ST3GAL3: variants seen among roughly 807,000 people sequenced by gnomAD.
ST3GAL3 encodes ST3 beta-galactoside alpha-2,3-sialyltransferase 3, also known as CMP-N-acetylneuraminate-beta-1,4-galactoside alpha-2,3-sialyltransferase.
Under a neutral mutation model 50.1 loss-of-function variants are expected in ST3GAL3, and 21 were observed. The observed-to-expected ratio is 0.42, with a 90% CI of 0.30 to 0.60. The LOEUF is 0.60. ST3GAL3 is among the 20% of genes least tolerant of loss of function. The pLI, the probability that ST3GAL3 is intolerant of heterozygous loss-of-function variation, is 0.19. For missense variants in ST3GAL3, 353 were observed against 489.4 expected (o/e 0.72, Z 2.63); for synonymous variants, 183 against 190.0 (o/e 0.96, Z 0.30).
chr1:43,794,983 T>C (rs1346075637), intron 3 of ST3GAL3, among the ~76,000 whole-genome samples: 1 of 152,002 alleles, frequency 6.6e-6, no homozygotes, highest in Non-Finnish European at 1.5e-5. Context: ...GAGGGATGGG[T>C]ACAGGGGGGC....
At chr1:43,840,474 T>C (rs1230708537) in intron 5 of ST3GAL3, 1 of 152,134 alleles carries the variant, frequency 6.6e-6, no homozygotes, top group Non-Finnish European at 1.5e-5. Context: ...CTTAACTCAT[T>C]CTAGCATTAA....
intron 9 of ST3GAL3, chr1:43,913,347 G>C (rs2081259418): frequency 6.6e-6 from 1 of 152,204 alleles, no homozygotes. Flanking sequence ...AATCCTTACA[G>C]CTATCTGGGA....
chr1:43,920,464 A>T lies in ST3GAL3; in HGVS notation c.805A>T (p.Ile269Phe), dbSNP rs1294093559. The change falls in exon 10 of 12, where the codon ATT (isoleucine) becomes TTT (phenylalanine). Residue 269 changes from isoleucine to phenylalanine, a missense_variant. Transcript: ENST00000347631. ...ATRVPKEPPE[I>F]RILNPYFIQE... Reference sequence around the variant, plus strand: ...TCGAGTGCCCAAGGAGCCCCCTGAGATTCGAATCCTCAACCCATATTTCAT... The same window carrying T: ...TCGAGTGCCCAAGGAGCCCCCTGAGTTTCGAATCCTCAACCCATATTTCAT... The T allele has an allele frequency of 2.5e-6, 4 of 1,614,122 alleles. No individual in the cohort carries two copies. In the East Asian group the frequency reaches 8.9e-5, roughly 36 times the overall value.
At chr1:43,867,858 G>A (rs1311523088) in intron 5 of ST3GAL3, among the ~76,000 whole-genome samples, 3 of 152,100 alleles carry the variant, frequency 2.0e-5, no homozygotes, top group Non-Finnish European at 4.4e-5. Context: ...TATAAGGGTT[G>A]AATAGGATGA....
chr1:43,929,264 A>C (rs1402915097), intron 11 of ST3GAL3, among the ~76,000 whole-genome samples: 1 of 152,158 alleles, frequency 6.6e-6, no homozygotes, highest in Non-Finnish European at 1.5e-5. Context: ...ATTCTACCCC[A>C]AAAATATGTA....
chr1:43,728,544 A>G (rs1323158599), intron 1 of ST3GAL3, among the ~76,000 whole-genome samples: 2 of 152,110 alleles, frequency 1.3e-5, no homozygotes, highest in African/African-American at 4.8e-5. Flanking sequence ...TAGGAGTTTG[A>G]TACCAACCTG....
chr1:43,729,370 A>G (rs1458610867), intron 1 of ST3GAL3, among the ~76,000 whole-genome samples: 1 of 152,118 alleles, frequency 6.6e-6, no homozygotes, highest in Non-Finnish European at 1.5e-5. Flanking sequence ...GTGAGCCACC[A>G]TGCCTGGTTA....
At chr1:43,783,594 CT>C (rs1274854993) in intron 2 of ST3GAL3, among the ~76,000 whole-genome samples, 2 of 152,176 alleles carry the variant, frequency 1.3e-5, no homozygotes, top group Non-Finnish European at 2.9e-5. Flanking sequence ...AGCAGCTGTA[CT>C]AAAACTTTTC....
rs555102735 is a variant in ST3GAL3 at position 43,830,207 on chromosome 1, A to T, written c.210-8012A>T. Reference sequence around the variant, plus strand: ...GCCACCATGCCCAGCTAATTAAAAAAAATTTTTTTTAAATAGAGATAAGGT... The same window carrying T: ...GCCACCATGCCCAGCTAATTAAAAATAATTTTTTTTAAATAGAGATAAGGT... On this transcript the variant is annotated intron_variant, in intron 4 of 11. Coordinates refer to ENST00000347631, the MANE Select transcript of ST3GAL3 (RefSeq NM_006279.5). Among the ~76,000 whole-genome samples, 47 of 151,560 alleles carry T rather than the reference A, an allele frequency of 3.1e-4. 4 individuals are homozygous for T. Among genetic ancestry groups the T allele is most frequent in the East Asian group, 2.5e-3 (13 of 5,162 alleles).
In ST3GAL3 at chr1:43,754,331, TG is replaced by T. The variant is rs1265539490; in HGVS notation, c.118+17952del. On this transcript the variant is annotated intron_variant, in intron 2 of 11. Transcript: ENST00000347631. Reference sequence around the variant, plus strand: ...CCTCAGCCTCCCGAGTAGCTGAGATTGCAGGCACCAAGCACCCCATCCGGCT... The same window carrying T: ...CCTCAGCCTCCCGAGTAGCTGAGATTCAGGCACCAAGCACCCCATCCGGCT... Among the ~76,000 whole-genome samples the T allele has an allele frequency of 2.6e-5, 4 of 152,232 alleles. No homozygotes were observed. In the East Asian group the frequency reaches 7.7e-4, roughly 29 times the overall value.
intron 9 of ST3GAL3, chr1:43,920,179 C>T (rs1325897803): frequency 6.7e-6 from 4 of 598,768 alleles, no homozygotes; most frequent in Non-Finnish European, 1.2e-5. Context: ...TCCTCTGTTA[C>T]ACACTGGAGC....
chr1:43,919,941 A>G, intron 9 of ST3GAL3: 1 of 286,634 alleles, frequency 3.5e-6, no homozygotes. Flanking sequence ...GGTCCACTCT[A>G]GAACAGTCGA....
chr1:43,875,518 C>G (rs1423848390), intron 5 of ST3GAL3, among the ~76,000 whole-genome samples: 1 of 152,104 alleles, frequency 6.6e-6, no homozygotes, highest in African/African-American at 2.4e-5. Context: ...ATAAACCCCA[C>G]GTGTCATGGG....
intron 5 of ST3GAL3, among the ~76,000 whole-genome samples, chr1:43,891,352 C>G (rs1312142972): frequency 1.3e-5 from 2 of 152,194 alleles, no homozygotes; most frequent in African/African-American, 4.8e-5. Context: ...GGTGGATCAC[C>G]TGAGGTCAGG....
chr1:43,850,791 A>G lies in ST3GAL3; in HGVS notation c.302+12480A>G. ...CTGATAAACTTCAAATTCCAGAGTC[A>G]TAGCTTGCTTCAGGGCCACAGCAAC... On this transcript the variant is annotated intron_variant, in intron 5 of 11. Coordinates refer to ENST00000347631, the MANE Select transcript of ST3GAL3 (RefSeq NM_006279.5). 5 of 902,982 alleles carry G rather than the reference A, an allele frequency of 5.5e-6. No homozygotes were observed. The South Asian group carries it at 6.5e-5, about 12-fold the overall frequency. The allele number at this position is 902,982 out of a possible 1,614,324, so 55.9% of individuals were successfully genotyped here.
At chr1:43,791,997 T>C in intron 2 of ST3GAL3, 105 bp from the exon 3 acceptor site, 1 of 1,379,384 alleles carries the variant, frequency 7.2e-7, no homozygotes, top group Non-Finnish European at 1.0e-6. Flanking sequence ...CTGAGTTCCC[T>C]TCCAGTTGAC....
At chr1:43,718,416 C>G (rs1324864996) in intron 1 of ST3GAL3, among the ~76,000 whole-genome samples, 1 of 151,090 alleles carries the variant, frequency 6.6e-6, no homozygotes, top group South Asian at 2.1e-4. Context: ...GTCTCGATCT[C>G]CCGATCTCAT....
At chr1:43,750,989 A>G (rs959230111) in intron 2 of ST3GAL3, among the ~76,000 whole-genome samples, 3 of 152,120 alleles carry the variant, frequency 2.0e-5, no homozygotes, top group Non-Finnish European at 4.4e-5. Flanking sequence ...TTTTTGGTAT[A>G]TATGACAGAG....
At chr1:43,718,419 G>C (rs1016555388) in intron 1 of ST3GAL3, among the ~76,000 whole-genome samples, 1 of 150,896 alleles carries the variant, frequency 6.6e-6, no homozygotes, top group African/African-American at 2.4e-5. Context: ...TCGATCTCCC[G>C]ATCTCATGAT....
Sources: allele counts gnomAD v4.1 joint callset (sites outside exome capture counted in the v4.1 genomes callset), GRCh38; gene constraint gnomAD v4.1.1; transcripts MANE v1.5; gene names NCBI Gene and HGNC (gene_info 2026-07-23, HGNC 2026-07-21).